Variants in OSBPL5 observed in about 807,000 individuals in gnomAD.
OSBPL5 encodes the protein oxysterol-binding protein-related protein 5.
A neutral mutation model predicts 111.2 loss-of-function variants in OSBPL5; 71 were observed. That is an observed-to-expected ratio of 0.64 (90% confidence interval 0.53 to 0.78). The LOEUF is 0.78. OSBPL5 is among the 30% of genes least tolerant of loss of function. The pLI, the probability that OSBPL5 is intolerant of heterozygous loss-of-function variation, is 0.00. For missense variants in OSBPL5, 1,210 were observed against 1,189.3 expected, an observed-to-expected ratio of 1.02 and a Z score of -0.26; for synonymous variants, 549 against 513.9, an observed-to-expected ratio of 1.07 and a Z score of -0.93.
At position 3,104,436 on chromosome 11, in the gene OSBPL5, G is replaced by C. The variant is rs927164443; in HGVS notation, c.1060-59C>G. ...GGAAGAGCCGGGAGGAAGGGGTGGC[G>C]GGACAGTGGCAGCTCTGGCTGGAGG... On this transcript the variant is annotated intron_variant, in intron 9 of 21. Transcript: ENST00000263650. This position sits in a 1 kb window ranked among gnomAD's most constrained non-coding sequence, Gnocchi z 5.0. The C allele has an allele frequency of 1.6e-5, 25 of 1,570,168 alleles. No homozygotes were observed. Among genetic ancestry groups the C allele is most frequent in the Non-Finnish European group, 2.0e-5 (23 of 1,162,954 alleles).
intron 6 of OSBPL5, chr11:3,120,019 T>C (rs949841250): frequency 1.7e-5 from 7 of 408,490 alleles, no homozygotes; most frequent in Non-Finnish European, 2.2e-5. Flanking sequence ...AGAACTCTGA[T>C]GTTTCTCTGA....
rs1399731752 is a variant in OSBPL5 at position 3,161,638 on chromosome 11, A to G, written c.-22+3578T>C. The stretch of plus-strand genomic sequence containing the variant: ...CAGACACCGCGCACCAGCGGCACCC[A>G]CCAGGGACAGATGCCACGCACCAGC... On this transcript the variant is annotated intron_variant, in intron 1 of 21. Transcript: ENST00000263650. This position sits in a 1 kb window ranked among gnomAD's most constrained non-coding sequence, Gnocchi z 8.0. 2.0e-5 allele frequency among the ~76,000 whole-genome samples: 3 copies of G among 152,112 alleles called. No individual in the cohort carries two copies. The highest frequency in any genetic ancestry group is 4.4e-5 in the Non-Finnish European group (3 of 68,014).
chr11:3,107,215 G>A lies in OSBPL5; in HGVS notation c.1059+48C>T. 2 of 1,581,258 alleles carry A rather than the reference G, an allele frequency of 1.3e-6. No individual in the cohort carries two copies. The highest frequency in any genetic ancestry group is 8.6e-7 in the Non-Finnish European group (1 of 1,165,250). On this transcript the variant is annotated intron_variant, in intron 9 of 21. Transcript: ENST00000263650. The surrounding 1 kb of genome is among the most constrained non-coding windows in gnomAD (Gnocchi z 6.1). The stretch of plus-strand genomic sequence containing the variant: ...GGCTACCTCTGCTTCCGGAACAAGG[G>A]GCCGAGGCAGGGGAGACGCTTGGGG...
chr11:3,159,125 G>T (rs1459579433), intron 1 of OSBPL5, among the ~76,000 whole-genome samples: 1 of 152,174 alleles, frequency 6.6e-6, no homozygotes. Context: ...GGGACAGCAG[G>T]TTGAGGGCAC....
rs1311840009 is a variant in OSBPL5, at chr11:3,113,423, G to A, written c.692-5478C>T. On this transcript the variant is annotated intron_variant, in intron 7 of 21. Transcript: ENST00000263650. The surrounding 1 kb of genome is among the most constrained non-coding windows in gnomAD (Gnocchi z 4.8). ...TGTAATCTCAGCACTTTGGGAGGCT[G>A]AGGTGGGTGGATCACAAAGTCAGGA... Among the ~76,000 whole-genome samples, 1 of 152,144 alleles carries A rather than the reference G, an allele frequency of 6.6e-6. No individual in the cohort carries two copies. Among genetic ancestry groups the A allele is most frequent in the Non-Finnish European group, 1.5e-5 (1 of 68,034 alleles).
intron 7 of OSBPL5, among the ~76,000 whole-genome samples, chr11:3,118,249 C>T (rs986545158): frequency 1.3e-5 from 2 of 152,174 alleles, no homozygotes; most frequent in Non-Finnish European, 1.5e-5. Flanking sequence ...GCCAACCTGC[C>T]CCCCCATTCT....
chr11:3,128,964 C>G, intron 2 of OSBPL5, 49 bp downstream of exon 2: 1 of 1,439,130 alleles, frequency 6.9e-7, no homozygotes, highest in Middle Eastern at 2.6e-4. Flanking sequence ...GGTCACCCCA[C>G]CGGGCCCAAG....
chr11:3,129,795 T>A (rs886409758), intron 1 of OSBPL5, among the ~76,000 whole-genome samples: 4 of 152,172 alleles, frequency 2.6e-5, no homozygotes, highest in African/African-American at 7.2e-5. Flanking sequence ...CTCTGGGCGC[T>A]CACAGCCAGG....
intron 1 of OSBPL5, among the ~76,000 whole-genome samples, chr11:3,151,134 T>C (rs1590728987): frequency 6.6e-6 from 1 of 151,454 alleles, no homozygotes; most frequent in Non-Finnish European, 1.5e-5. Context: ...GAGATCGGAG[T>C]GATGCCGCCA....
Position 3,142,177 on chromosome 11 carries a change from C to T in OSBPL5, c.-21-13008G>A, listed in dbSNP as rs764365037. ...CAAGTGATCTGCCCTCCTCGGCGTC[C>T]CAAAGTGCTGGGATTACAGGCGTGA... On this transcript the variant is annotated intron_variant, in intron 1 of 21. Transcript: ENST00000263650. This position sits in a 1 kb window ranked among gnomAD's most constrained non-coding sequence, Gnocchi z 7.1. Among the ~76,000 whole-genome samples the T allele has an allele frequency of 2.6e-5, 4 of 152,206 alleles. No homozygotes were observed. Among genetic ancestry groups the T allele is most frequent in the Non-Finnish European group, 5.9e-5 (4 of 68,036 alleles).
Position 3,089,906 on chromosome 11 carries a change from C to T in OSBPL5, c.2441G>A (p.Arg814Gln), listed in dbSNP as rs367895102. The change falls in exon 21 of 22, where the codon CGG becomes CAG. Residue 814 changes from arginine to glutamine, a missense_variant. Coordinates refer to ENST00000263650, the MANE Select transcript of OSBPL5 (RefSeq NM_020896.4). ...PCPRCRKEAR[R>Q]LQALHEAILS... ...GATGGCCTCGTGCAGGGCCTGCAGC[C>T]GCCGCGCCTCCTTCCTGCACCGAGG... 9.6e-5 allele frequency: 151 copies of T among 1,566,140 alleles called. No individual in the cohort carries two copies. The highest frequency in any genetic ancestry group is 3.8e-4 in the African/African-American group (28 of 73,958).
intron 11 of OSBPL5, among the ~76,000 whole-genome samples, 198 bp from the exon 12 acceptor site, chr11:3,102,479 G>A (rs1301268663): frequency 6.6e-6 from 1 of 152,150 alleles, no homozygotes; most frequent in African/African-American, 2.4e-5. Flanking sequence ...TACATTCTTG[G>A]GGGACAGCCT....
chr11:3,100,178 A>T lies in OSBPL5; in HGVS notation c.1601T>A (p.Met534Lys). ...LNRAEDYTLTMPYAHCKGILY... is the reference protein window; with the variant it reads ...LNRAEDYTLTKPYAHCKGILY... ...CTCACCTTTGCAGTGGGCGTAGGGC[A>T]TGGTAAGGGTGTAATCCTCGGCTCG... Residue 534 changes from methionine to lysine, a missense_variant, in exon 14 of 22, where the codon ATG becomes AAG. By Grantham distance (95) the Met-to-Lys change is moderately conservative. Transcript: ENST00000263650. The T allele has an allele frequency of 6.2e-7, 1 of 1,614,138 alleles. No homozygotes were observed. The highest frequency in any genetic ancestry group is 8.5e-7 in the Non-Finnish European group (1 of 1,180,012).
Position 3,107,383 on chromosome 11 carries a change from A to G in OSBPL5, c.939T>C (p.Asp313=), listed in dbSNP as rs377058650. The G allele has an allele frequency of 2.5e-6, 4 of 1,613,874 alleles. No individual in the cohort carries two copies. The highest frequency in any genetic ancestry group is 1.3e-5 in the African/African-American group (1 of 74,876). ...KSERENPEES[D]TETQDHSRKT... Reference sequence around the variant, plus strand: ...TCCGGCTATGGTCCTGGGTCTCGGTATCTGACTCCTCAGGGTTCTCTCTCT... The same window carrying G: ...TCCGGCTATGGTCCTGGGTCTCGGTGTCTGACTCCTCAGGGTTCTCTCTCT... Residue 313 remains aspartate (D), a synonymous_variant, in exon 9 of 22, where the codon GAT becomes GAC. Transcript: ENST00000263650. The surrounding 1 kb of genome is among the most constrained non-coding windows in gnomAD (Gnocchi z 6.1).
intron 14 of OSBPL5, among the ~76,000 whole-genome samples, chr11:3,097,654 C>T (rs934399354): frequency 3.9e-5 from 6 of 152,140 alleles, no homozygotes; most frequent in South Asian, 2.1e-4. Context: ...CAGCAGCAAA[C>T]AAAACAGAAT....
chr11:3,137,266 G>A (rs1845975101), intron 1 of OSBPL5, among the ~76,000 whole-genome samples: 1 of 152,222 alleles, frequency 6.6e-6, no homozygotes, highest in Non-Finnish European at 1.5e-5. Flanking sequence ...AATGCCTAGT[G>A]CTAATGTGGG....
chr11:3,116,831 G>T (rs1858226925), intron 7 of OSBPL5, among the ~76,000 whole-genome samples: 1 of 139,120 alleles, frequency 7.2e-6, no homozygotes, highest in Admixed American at 7.6e-5. Flanking sequence ...CTCCAGTCTG[G>T]GCAACAGAGT....
chr11:3,103,828 C>T lies in OSBPL5; in HGVS notation c.1244+365G>A, dbSNP rs1252671995. 5.6e-3 allele frequency among the ~76,000 whole-genome samples: 370 copies of T among 66,274 alleles called. 4 individuals are homozygous for T. The highest frequency in any genetic ancestry group is 0.015 in the African/African-American group (345 of 23,512). The allele number at this position is 66,274 out of a possible 152,430, so 43.5% of individuals were successfully genotyped here. A position where few individuals can be genotyped will look rare whatever the true frequency, so the allele number is the denominator to read the frequency against. On this transcript the variant is annotated intron_variant, in intron 10 of 21. Transcript: ENST00000263650. ...GCCCTCTTCCTGCCTGCGCAGCCCC[C>T]TTCCAGCCTCTGCAGCCCCTTTCCA...
chr11:3,092,965 C>T lies in OSBPL5; in HGVS notation c.2034G>A (p.Arg678=). 1 of 1,597,690 alleles carries T rather than the reference C, an allele frequency of 6.3e-7. No homozygotes were observed. Among genetic ancestry groups the T allele is most frequent in the South Asian group, 1.1e-5 (1 of 87,736 alleles). The part of the protein sequence containing the change: ...QEKFALEEAQ[R]QRARERQESL... ...TCTCCTGCCGCTCACGGGCCCGCTG[C>T]CGCTGTGCCTCCTCCAGTGCAAACT... is the stretch of plus-strand genomic sequence containing the variant. Residue 678 remains arginine, a synonymous_variant, in exon 18 of 22, where the codon CGG becomes CGA. Transcript: ENST00000263650. This position sits in a 1 kb window ranked among gnomAD's most constrained non-coding sequence, Gnocchi z 5.4.
Sources: allele counts gnomAD v4.1 joint callset (sites outside exome capture counted in the v4.1 genomes callset), GRCh38; gene constraint gnomAD v4.1.1; non-coding constraint Gnocchi (gnomAD v3.1); transcripts MANE v1.5; gene names NCBI Gene and HGNC (gene_info 2026-07-23, HGNC 2026-07-21).